POLE: variants seen among roughly 807,000 people sequenced by gnomAD.
The protein encoded by POLE is DNA polymerase epsilon, catalytic subunit.
In POLE, 188 loss-of-function variants were observed where a neutral mutation model predicts 279.2. That is an observed-to-expected ratio of 0.67 (90% CI 0.60 to 0.76). The LOEUF is 0.76. Ranked by LOEUF, POLE falls within the 30% of genes least tolerant of loss-of-function variation. POLE has a pLI of 0.00. For missense variants in POLE, 2,703 were observed against 3,016.7 expected (o/e 0.90, Z 2.44); for synonymous variants, 1,214 against 1,172.5 (o/e 1.04, Z -0.72).
chr12:132,671,359 G>A (rs1593797992), intron 16 of POLE, among the ~76,000 whole-genome samples: 1 of 149,708 alleles, frequency 6.7e-6, no homozygotes, highest in East Asian at 2.0e-4. Flanking sequence ...ATGTAGTGCT[G>A]CACAGTGCCT....
At position 132,649,680 on chromosome 12, in the gene POLE, G is replaced by A. The variant is rs1565946430; in HGVS notation, c.3792C>T (p.Ser1264=). ...GTATCACAGCTGTGTGCCTTACCTG[G>A]CTGGTTCCCAGGGCGGGAGGCTGCC... The part of the protein sequence containing the change: ...ILGQPPALGT[S]QEEWLVWLRF... The change falls in exon 30 of 49, where the codon AGC becomes AGT. Residue 1264 remains serine, a synonymous_variant. Coordinates refer to ENST00000320574, the MANE Select transcript of POLE (RefSeq NM_006231.4). 4 of 1,613,838 alleles carry A rather than the reference G, an allele frequency of 2.5e-6. No individual in the cohort carries two copies. The highest frequency in any genetic ancestry group is 3.4e-6 in the Non-Finnish European group (4 of 1,179,972).
intron 32 of POLE, among the ~76,000 whole-genome samples, chr12:132,646,401 A>G (rs1218756297): frequency 2.0e-5 from 3 of 152,126 alleles, no homozygotes; most frequent in Admixed American, 6.6e-5. Context: ...GCACTTAACT[A>G]TATGTAAATT....
chr12:132,673,385 TA>T, intron 13 of POLE, 108 bp from the exon 14 acceptor site: 2 of 1,151,688 alleles, frequency 1.7e-6, no homozygotes, highest in Non-Finnish European at 2.6e-6. Context: ...GCACACACAG[TA>T]AGGAGACCGG....
chr12:132,665,027 C>T lies in POLE; in HGVS notation c.2468+275G>A, dbSNP rs970029390. On this transcript the variant is annotated intron_variant, in intron 21 of 48. Transcript: ENST00000320574. ...GGATCCACGCTGGGAGACATGAACG[C>T]GCTGGAAAATGGCAAGTCGTGTCTC... Among the ~76,000 whole-genome samples the T allele has an allele frequency of 2.3e-4, 35 of 152,118 alleles. 1 individual carries two copies. Among genetic ancestry groups the T allele is most frequent in the Admixed American group, 1.8e-3 (27 of 15,266 alleles).
chr12:132,677,879 A>G (rs1354372519), intron 6 of POLE, among the ~76,000 whole-genome samples, 160 bp from the exon 7 acceptor site: 1 of 152,198 alleles, frequency 6.6e-6, no homozygotes, highest in Non-Finnish European at 1.5e-5. Context: ...TCCTTCCTTT[A>G]AGAATGGCTT....
intron 16 of POLE, among the ~76,000 whole-genome samples, chr12:132,671,844 A>G (rs1009724912): frequency 2.6e-5 from 4 of 152,216 alleles, no homozygotes; most frequent in African/African-American, 9.6e-5. Flanking sequence ...TGTCATTTGT[A>G]GGAATTTACT....
At position 132,677,696 on chromosome 12, in the gene POLE, A is replaced by G. The variant is rs375209004; in HGVS notation, c.602T>C (p.Ile201Thr). The G allele has an allele frequency of 1.1e-4, 181 of 1,614,146 alleles. 2 individuals are homozygous for G. In the South Asian group the frequency reaches 1.8e-3, roughly 16 times the overall value. ...LSSVLQRGGVITDEEETSKKI... is the reference protein window; with the variant it reads ...LSSVLQRGGVTTDEEETSKKI... ...CTTAGAGGTTTCCTCTTCATCAGTA[A>G]TGACACCGCCCCTCTGCAGAACACT... Residue 201 changes from isoleucine to threonine, a missense_variant, in exon 7 of 49, where the codon ATT becomes ACT. Ile to Thr is a moderately conservative substitution (Grantham distance 89). Coordinates refer to ENST00000320574, the MANE Select transcript of POLE (RefSeq NM_006231.4).
chr12:132,641,520 G>T, intron 39 of POLE, 127 bp downstream of exon 39: 1 of 763,496 alleles, frequency 1.3e-6, no homozygotes, highest in African/African-American at 1.7e-5. Flanking sequence ...CCACACAGTG[G>T]TCTCTGGCTC....
chr12:132,644,673 G>A (rs1286847054), intron 32 of POLE, among the ~76,000 whole-genome samples: 1 of 152,034 alleles, frequency 6.6e-6, no homozygotes, highest in Non-Finnish European at 1.5e-5. Flanking sequence ...GTGTGTGTGT[G>A]GGGTCCTGGG....
At chr12:132,636,069 T>G in intron 41 of POLE, 45 bp from the exon 42 acceptor site, 1 of 1,583,540 alleles carries the variant, frequency 6.3e-7, no homozygotes, top group Non-Finnish European at 8.6e-7. Context: ...AAATCGACCT[T>G]GTTCTCAACT....
chr12:132,675,752 G>T lies in POLE; in HGVS notation c.1089C>A (p.Asn363Lys). 6.2e-7 allele frequency: 1 copy of T among 1,613,938 alleles called. No homozygotes were observed. The highest frequency in any genetic ancestry group is 8.5e-7 in the Non-Finnish European group (1 of 1,179,814). ...AGACTCACCAGTCAAAAAAGTCCCC[G>T]TTGTAGGTGACCATGATGGTGGGTT... ...ETKPTIMVTY[N>K]GDFFDWPFVE... Residue 363 changes from asparagine to lysine, a missense_variant, in exon 11 of 49, where the codon AAC (asparagine) becomes AAA (lysine). Around this residue, in one of 5 missense-constraint regions of POLE, gnomAD observed 1,011 missense variants for 1,111.7 expected, o/e 0.91. Coordinates refer to ENST00000320574, the MANE Select transcript of POLE (RefSeq NM_006231.4). This position sits in a 1 kb window ranked among gnomAD's most constrained non-coding sequence, Gnocchi z 4.3.
rs1060500782 is a variant in POLE at position 132,679,581 on chromosome 12, T to G, written c.494A>C (p.Lys165Thr). 1 of 1,614,116 alleles carries G rather than the reference T, an allele frequency of 6.2e-7. No homozygotes were observed. The highest frequency in any genetic ancestry group is 8.5e-7 in the Non-Finnish European group (1 of 1,179,954). ...GGCAGGGGAGATCTCCTTCCTCACT[T>G]TGACAAGATCCTCCACAGTGTGGAA... ...LSFHTVEDLV[K>T]VRKEISPAVK... Residue 165 changes from lysine (K) to threonine (T), a missense_variant, in exon 6 of 49, where the codon AAA becomes ACA. By Grantham distance (78) the Lys-to-Thr change is moderately conservative. This residue lies in a region of POLE where 1,011 missense variants were observed against 1,111.7 expected (regional missense o/e 0.91). Transcript: ENST00000320574.
chr12:132,679,620 T>C lies in POLE; in HGVS notation c.455A>G (p.Tyr152Cys), dbSNP rs1277577016. ...PNHLVGLKRN[Y>C]IRLSFHTVED... ...CACAGTGTGGAAGGACAGCCTGATG[T>C]AATTTCGCTTCAAACCCACCAAGTG... The change falls in exon 6 of 49, where the codon TAC (tyrosine) becomes TGC (cysteine). Residue 152 changes from tyrosine to cysteine, a missense_variant. Physicochemically the swap from Tyr to Cys is radical, Grantham distance 194. This residue lies in a region of POLE where 1,011 missense variants were observed against 1,111.7 expected (regional missense o/e 0.91). Coordinates refer to ENST00000320574, the MANE Select transcript of POLE (RefSeq NM_006231.4). 2 of 1,612,738 alleles carry C rather than the reference T, an allele frequency of 1.2e-6. No homozygotes were observed. The highest frequency in any genetic ancestry group is 8.5e-7 in the Non-Finnish European group (1 of 1,178,838).
At position 132,626,261 on chromosome 12, in the gene POLE, C is replaced by CA; in HGVS notation, c.6386dup (p.Leu2130AlafsTer26). On this transcript the variant is annotated frameshift_variant, in exon 46 of 49. Transcript: ENST00000320574. LOFTEE classifies it high-confidence loss of function. ...ACTCGCCGACATCCACCAGGCGAAG[C>CA]AGGTCTCGGTTCAGCTTATTCACCT... 1 of 1,613,916 alleles carries CA rather than the reference C, an allele frequency of 6.2e-7. No individual in the cohort carries two copies. The highest frequency in any genetic ancestry group is 8.5e-7 in the Non-Finnish European group (1 of 1,180,034).
chr12:132,654,902 T>A (rs7961892), intron 29 of POLE, among the ~76,000 whole-genome samples: 1,957 of 152,356 alleles, frequency 0.013, 48 homozygotes, highest in African/African-American at 0.044. Flanking sequence ...CTCTTTCTTT[T>A]CTTTCTTGAG....
rs2041958041 is a variant in POLE at position 132,632,679 on chromosome 12, C to T, written c.6121G>A (p.Val2041Ile). 1 of 1,614,054 alleles carries T rather than the reference C, an allele frequency of 6.2e-7. No individual in the cohort carries two copies. The highest frequency in any genetic ancestry group is 2.2e-5 in the East Asian group (1 of 44,858). ...SQLSQEAEGA[V>I]GALPGMITFS... ...GACTGCTCACCGGGAAGGGCTCCGA[C>T]CGCCCCCTCGGCCTCCTGGGAGAGC... Residue 2041 changes from valine (V) to isoleucine (I), a missense_variant, in exon 44 of 49, where the codon GTC (valine) becomes ATC (isoleucine). Transcript: ENST00000320574.
chr12:132,661,606 T>G lies in POLE; in HGVS notation c.2785A>C (p.Ile929Leu). Residue 929 changes from isoleucine (I) to leucine (L), a missense_variant, in exon 24 of 49, where the codon ATC becomes CTC. Physicochemically the swap from Ile to Leu is conservative, Grantham distance 5 (BLOSUM62 2). Around this residue, in one of 5 missense-constraint regions of POLE, gnomAD observed 101 missense variants for 115.4 expected, o/e 0.87. Transcript: ENST00000320574. This position sits in a 1 kb window ranked among gnomAD's most constrained non-coding sequence, Gnocchi z 4.1. ...TAGGGCCCATCAACCTCAAAAAAGA[T>G]GCTGTTCTCTGAGCGGGTGACGTAG... is the stretch of plus-strand genomic sequence containing the variant. Reference protein sequence around the residue: ...LTYVTRSENSIFFEVDGPYLA... With the variant: ...LTYVTRSENSLFFEVDGPYLA... The G allele has an allele frequency of 6.2e-7, 1 of 1,614,206 alleles. No individual in the cohort carries two copies. The highest frequency in any genetic ancestry group is 8.5e-7 in the Non-Finnish European group (1 of 1,180,040).
At chr12:132,641,509 G>A (rs2042140571) in intron 39 of POLE, 138 bp downstream of exon 39, 5 of 713,970 alleles carry the variant, frequency 7.0e-6, no homozygotes, top group South Asian at 1.8e-5. Flanking sequence ...TGGAAAACTC[G>A]CCACACAGTG....
At position 132,681,230 on chromosome 12, in the gene POLE, T is replaced by A. The variant is rs879254247; in HGVS notation, c.112A>T (p.Ser38Cys). The A allele has an allele frequency of 1.9e-6, 3 of 1,614,190 alleles. No homozygotes were observed. Among genetic ancestry groups the A allele is most frequent in the Non-Finnish European group, 8.5e-7 (1 of 1,180,018 alleles). ...AAATCCATCTTATCCGTCCACTGAC[T>A]CCGTTCCAGGCGCTTGAGTGCCGAA... ...SVSALKRLER[S>C]QWTDKMDLRF... Residue 38 changes from serine to cysteine, a missense_variant, in exon 2 of 49, where the codon AGT (serine) becomes TGT (cysteine). Ser to Cys is a moderately radical substitution (Grantham distance 112). This residue lies in a region of POLE where 1,011 missense variants were observed against 1,111.7 expected (regional missense o/e 0.91). Coordinates refer to ENST00000320574, the MANE Select transcript of POLE (RefSeq NM_006231.4).
Sources: allele counts gnomAD v4.1 joint callset (sites outside exome capture counted in the v4.1 genomes callset), GRCh38; gene constraint gnomAD v4.1.1; regional missense constraint gnomAD v4.1.1; non-coding constraint Gnocchi (gnomAD v3.1); transcripts MANE v1.5; gene names NCBI Gene and HGNC (gene_info 2026-07-23, HGNC 2026-07-21).